The following PUDP variants were observed in gnomAD, a reference collection of about 807,000 sequenced individuals.
PUDP encodes pseudouridine-5'-phosphatase.
In PUDP, 8 loss-of-function variants were observed where a neutral mutation model predicts 9.4. The ratio of observed to expected loss-of-function variants is 0.85; its 90% CI spans 0.50 to 1.53. PUDP has a LOEUF of 1.53. PUDP is among the 40% of genes most tolerant of loss of function. The pLI, the probability that PUDP is intolerant of heterozygous loss-of-function variation, is 0.00. For missense variants in PUDP, 188 were observed against 189.7 expected (o/e 0.99, Z 0.05); for synonymous variants, 99 against 80.7 (o/e 1.23, Z -1.22).
chrX:6,730,885 G>A (rs1384861115), intron 3 of PUDP, among the ~76,000 whole-genome samples: 1 of 111,248 alleles, frequency 9.0e-6, no homozygotes, highest in Non-Finnish European at 1.9e-5. Context: ...CAAGACTCAA[G>A]ACTTGAACAG....
chrX:6,740,883 G>T (rs1218205518), intron 3 of PUDP, among the ~76,000 whole-genome samples: 1 of 112,119 alleles, frequency 8.9e-6, no homozygotes, highest in East Asian at 2.8e-4. Flanking sequence ...CAGAGGCCAG[G>T]TGCGGTGGCT....
rs994058271 is a variant in PUDP at position 6,803,658 on chromosome X, G to A, written c.*248-97192C>T. 4.5e-5 allele frequency among the ~76,000 whole-genome samples: 5 copies of A among 112,346 alleles called. No individual in the cohort carries two copies. In the Admixed American group the frequency reaches 4.7e-4, roughly 11 times the overall value. On this transcript the variant is annotated intron_variant and NMD_transcript_variant, in intron 3 of 3. Transcript: ENST00000655425. ...GTGGTAATTCCTAAAATTTTGATAA[G>A]TGATGTACATATCTCCGAGTTCGAC...
chrX:7,117,476 TC>T (rs1569164546), intron 1 of PUDP, among the ~76,000 whole-genome samples: 1 of 112,734 alleles, frequency 8.9e-6, no homozygotes, highest in African/African-American at 3.2e-5. Context: ...CTTTAGGTTA[TC>T]TAGCAGAACA....
intron 1 of PUDP, among the ~76,000 whole-genome samples, chrX:7,041,898 T>TCTGTCATTTTAATTACA (rs1929928005): frequency 1.9e-5 from 2 of 107,126 alleles, no homozygotes; most frequent in Non-Finnish European, 3.9e-5. Context: ...GGGGTCTCAC[T>TCTGTCATTTTAATTACA]CTGTTGCCCA....
At position 6,861,681 on chromosome X, in the gene PUDP, T is replaced by C. The variant is rs1001526452; in HGVS notation, c.*247+115452A>G. Among the ~76,000 whole-genome samples the C allele has an allele frequency of 5.4e-5, 6 of 110,374 alleles. No homozygotes were observed. In the Admixed American group the frequency reaches 5.8e-4, roughly 11 times the overall value. ...CCCCGAGACAAGGAGGTGAGTGTAG[T>C]GGCCTTATTTATGCAGTGGCTTATG... On this transcript the variant is annotated intron_variant and NMD_transcript_variant, in intron 3 of 3. Coordinates refer to the PUDP transcript ENST00000655425.
chrX:6,793,554 T>C (rs1925787705), intron 3 of PUDP, among the ~76,000 whole-genome samples: 1 of 112,230 alleles, frequency 8.9e-6, no homozygotes, highest in Non-Finnish European at 1.9e-5. Flanking sequence ...TTAAAGAGTC[T>C]CAATGACATG....
intron 3 of PUDP, among the ~76,000 whole-genome samples, chrX:6,883,264 G>A (rs1454041328): frequency 1.8e-5 from 2 of 111,622 alleles, no homozygotes; most frequent in Non-Finnish European, 3.8e-5. Context: ...GCTCAAGCCT[G>A]TAATCCCAAC....
At chrX:7,094,832 T>C (rs1457157763) in intron 2 of PUDP, among the ~76,000 whole-genome samples, 1 of 112,149 alleles carries the variant, frequency 8.9e-6, no homozygotes, top group Non-Finnish European at 1.9e-5. Context: ...TTACCATGAC[T>C]GTCAGCGTAC....
chrX:6,830,760 C>T (rs1926491979), intron 3 of PUDP, among the ~76,000 whole-genome samples: 1 of 111,682 alleles, frequency 9.0e-6, no homozygotes, highest in Non-Finnish European at 1.9e-5. Context: ...AAAGTAGATG[C>T]CAAAAATTGT....
chrX:7,103,294 T>G (rs1931791237), intron 2 of PUDP, among the ~76,000 whole-genome samples: 2 of 111,992 alleles, frequency 1.8e-5, no homozygotes, highest in African/African-American at 6.5e-5. Context: ...CAGCCAAGAC[T>G]ACTCAATGGG....
At chrX:7,124,427 A>G (rs1245590949) in intron 1 of PUDP, among the ~76,000 whole-genome samples, 1 of 111,703 alleles carries the variant, frequency 9.0e-6, no homozygotes, top group Non-Finnish European at 1.9e-5. Flanking sequence ...CTGCACTAAA[A>G]AAGTATGTTC....
intron 1 of PUDP, among the ~76,000 whole-genome samples, chrX:7,025,256 G>C (rs1602719053): frequency 9.0e-6 from 1 of 111,661 alleles, no homozygotes; most frequent in African/African-American, 3.3e-5. Context: ...TGTGCTTACT[G>C]GTCTGTTCAC....
Position 6,770,976 on chromosome X carries a change from C to T in PUDP, c.*248-64510G>A, listed in dbSNP as rs766608403. Among the ~76,000 whole-genome samples, 87 of 112,027 alleles carry T rather than the reference C, an allele frequency of 7.8e-4. 1 individual carries two copies. The highest frequency in any genetic ancestry group is 2.8e-3 in the African/African-American group (86 of 30,892). ...TCTCCCCCTTCTAATCCAACTCAGT[C>T]ATATAGAAAAGTTAAATCATTCCAA... is the stretch of plus-strand genomic sequence containing the variant. On this transcript the variant is annotated intron_variant and NMD_transcript_variant, in intron 3 of 3. Coordinates refer to the PUDP transcript ENST00000655425.
intron 1 of PUDP, among the ~76,000 whole-genome samples, chrX:6,986,096 C>T (rs1017246516): frequency 1.8e-5 from 2 of 111,527 alleles, no homozygotes; most frequent in African/African-American, 3.3e-5. Context: ...TTATGCTATA[C>T]GGTCTAAAAA....
At chrX:6,934,391 A>G (rs1417133308) in intron 3 of PUDP, among the ~76,000 whole-genome samples, 2 of 108,651 alleles carry the variant, frequency 1.8e-5, no homozygotes, top group African/African-American at 6.7e-5. Flanking sequence ...TAAGCTTCAT[A>G]AGCGAAGGAG....
At chrX:7,117,476 T>C (rs186356679) in intron 1 of PUDP, among the ~76,000 whole-genome samples, 96 of 112,790 alleles carry the variant, frequency 8.5e-4, no homozygotes, top group Non-Finnish European at 2.8e-4. Context: ...CTTTAGGTTA[T>C]CTAGCAGAAC....
chrX:6,737,170 C>A (rs757854932), intron 3 of PUDP, among the ~76,000 whole-genome samples: 10 of 110,926 alleles, frequency 9.0e-5, no homozygotes, highest in African/African-American at 3.3e-4. Context: ...AAAAGCTGCA[C>A]GAGATAAGGA....
chrX:7,022,714 T>C (rs1356753315), intron 1 of PUDP, among the ~76,000 whole-genome samples: 1 of 112,078 alleles, frequency 8.9e-6, no homozygotes, highest in Admixed American at 9.5e-5. Context: ...ATTTAGAGCA[T>C]GCTATTGTTT....
At chrX:6,984,045 G>A (rs1293386001) in intron 1 of PUDP, among the ~76,000 whole-genome samples, 3 of 112,204 alleles carry the variant, frequency 2.7e-5, no homozygotes, top group Non-Finnish European at 3.8e-5. Flanking sequence ...TATTCAAGAC[G>A]TCAAGAACCT....
Sources: gnomAD v4.1 joint callset for allele counts (sites outside exome capture counted in the v4.1 genomes callset) on GRCh38, gnomAD v4.1.1 for gene constraint, MANE v1.5 for transcripts, NCBI Gene and HGNC (gene_info 2026-07-23, HGNC 2026-07-21) for gene names.